Variants in KIAA1217 observed in about 807,000 individuals in gnomAD.
The protein encoded by KIAA1217 is sickle tail protein homolog.
Under a neutral mutation model 163.9 loss-of-function variants are expected in KIAA1217, and 88 were observed. The ratio of observed to expected loss-of-function variants is 0.54; its 90% CI spans 0.45 to 0.64. The LOEUF (loss-of-function observed/expected upper bound fraction) is 0.64, where lower values mean the gene tolerates loss of function less well. KIAA1217 is among the 30% of genes least tolerant of loss of function. The pLI, the probability that KIAA1217 is intolerant of heterozygous loss-of-function variation, is 0.00. For missense variants in KIAA1217, 2,372 were observed against 2,475.0 expected (o/e 0.96, Z 0.88); for synonymous variants, 903 against 923.1 (o/e 0.98, Z 0.39).
intron 1 of KIAA1217, among the ~76,000 whole-genome samples, chr10:23,801,525 TGA>T (rs2130957714): frequency 6.6e-6 from 1 of 152,326 alleles, no homozygotes; most frequent in South Asian, 2.1e-4. Flanking sequence ...CCTGATCGTC[TGA>T]TAGTCTGACT....
At chr10:24,094,304 C>T (rs949369482) in intron 2 of KIAA1217, among the ~76,000 whole-genome samples, 4 of 152,206 alleles carry the variant, frequency 2.6e-5, no homozygotes, top group Non-Finnish European at 5.9e-5. Context: ...ACATCCTCTC[C>T]AGCACCTGTT....
chr10:23,703,878 T>C (rs921050818), intron 1 of KIAA1217, among the ~76,000 whole-genome samples: 4 of 151,808 alleles, frequency 2.6e-5, no homozygotes, highest in Non-Finnish European at 5.9e-5. Flanking sequence ...TTTTTTATTT[T>C]TTAAAAAGTC....
intron 10 of KIAA1217, 53 bp downstream of exon 10, chr10:24,513,487 T>C: frequency 6.4e-7 from 1 of 1,567,240 alleles, no homozygotes; most frequent in Non-Finnish European, 8.7e-7. Context: ...AGGAAAATTA[T>C]CATTACTAAG....
Position 24,501,445 on chromosome 10 carries a change from C to T in KIAA1217, c.1901C>T (p.Pro634Leu), listed in dbSNP as rs1389897892. The part of the protein sequence containing the change: ...ALESTVPPSQ[P>L]PPVGTSAIHM... ...GAGTCCACGGTGCCTCCCAGCCAGCCTCCACCTGTGGGCACCTCAGCCATC... is the reference window on the plus strand; with the variant it reads ...GAGTCCACGGTGCCTCCCAGCCAGCTTCCACCTGTGGGCACCTCAGCCATC... The change falls in exon 9 of 21, where the codon CCT (proline) becomes CTT (leucine). Residue 634 changes from proline (P) to leucine (L), a missense_variant. Coordinates refer to ENST00000376454, the MANE Select transcript of KIAA1217 (RefSeq NM_019590.5). 1 of 1,613,970 alleles carries T rather than the reference C, an allele frequency of 6.2e-7. No individual in the cohort carries two copies. Among genetic ancestry groups the T allele is most frequent in the Non-Finnish European group, 8.5e-7 (1 of 1,179,998 alleles).
chr10:23,700,343 G>C (rs1225273514), intron 1 of KIAA1217, among the ~76,000 whole-genome samples: 1 of 151,980 alleles, frequency 6.6e-6, no homozygotes, highest in Non-Finnish European at 1.5e-5. Flanking sequence ...TCATATCCCT[G>C]AATTATTGCA....
intron 1 of KIAA1217, among the ~76,000 whole-genome samples, chr10:23,831,221 C>T (rs951094050): frequency 3.3e-5 from 5 of 151,358 alleles, no homozygotes; most frequent in African/African-American, 1.2e-4. Flanking sequence ...GATATGAACC[C>T]CAAAGTGTAG....
At chr10:23,908,507 A>G (rs1256037207) in intron 1 of KIAA1217, among the ~76,000 whole-genome samples, 1 of 152,094 alleles carries the variant, frequency 6.6e-6, no homozygotes, top group Non-Finnish European at 1.5e-5. Context: ...GCCCAGATAC[A>G]ACCCTCAACT....
At chr10:24,083,399 A>G (rs2061599408) in intron 2 of KIAA1217, among the ~76,000 whole-genome samples, 1 of 152,222 alleles carries the variant, frequency 6.6e-6, no homozygotes, top group Non-Finnish European at 1.5e-5. Flanking sequence ...AATAGCCTCC[A>G]GAAATTTATT....
chr10:24,061,069 CTT>C (rs1459265340), intron 2 of KIAA1217, among the ~76,000 whole-genome samples: 4 of 152,070 alleles, frequency 2.6e-5, no homozygotes, highest in Non-Finnish European at 5.9e-5. Flanking sequence ...ATTTGTCCCT[CTT>C]TTCCTCTCTT....
At chr10:24,297,716 A>G (rs2040787753) in intron 2 of KIAA1217, among the ~76,000 whole-genome samples, 1 of 152,162 alleles carries the variant, frequency 6.6e-6, no homozygotes, top group South Asian at 2.1e-4. Context: ...AGATCATGCC[A>G]CTGCATTCCA....
At chr10:24,322,303 T>C (rs2133325905) in intron 2 of KIAA1217, among the ~76,000 whole-genome samples, 1 of 152,280 alleles carries the variant, frequency 6.6e-6, no homozygotes, top group South Asian at 2.1e-4. Context: ...GGCTCCACCA[T>C]AGAAATTCAG....
chr10:24,153,631 G>A (rs2064729203), intron 2 of KIAA1217, among the ~76,000 whole-genome samples: 1 of 152,108 alleles, frequency 6.6e-6, no homozygotes, highest in Non-Finnish European at 1.5e-5. Flanking sequence ...CCTGTATATT[G>A]TTCTCAAACT....
At chr10:24,492,171 GC>G (rs1436226935) in intron 6 of KIAA1217, among the ~76,000 whole-genome samples, 2 of 152,108 alleles carry the variant, frequency 1.3e-5, no homozygotes, top group Non-Finnish European at 2.9e-5. Flanking sequence ...GCAAGTCTGT[GC>G]CCCCCATGTG....
chr10:23,957,129 T>C (rs116847269), intron 1 of KIAA1217, among the ~76,000 whole-genome samples: 2,947 of 152,264 alleles, frequency 0.019, 58 homozygotes, highest in Admixed American at 0.063. Flanking sequence ...CATTGAGAAC[T>C]CTTCAGTGAT....
At chr10:23,731,321 C>T (rs1275383848) in intron 1 of KIAA1217, among the ~76,000 whole-genome samples, 1 of 152,150 alleles carries the variant, frequency 6.6e-6, no homozygotes, top group Non-Finnish European at 1.5e-5. Context: ...GAGCTTTATG[C>T]CCATTCCTGG....
chr10:24,075,738 G>A (rs570705058), intron 2 of KIAA1217, among the ~76,000 whole-genome samples: 8 of 151,746 alleles, frequency 5.3e-5, no homozygotes, highest in Non-Finnish European at 1.0e-4. Flanking sequence ...CAAGTAGCTG[G>A]GATTACAGGC....
At chr10:23,910,562 C>T (rs998621439) in intron 1 of KIAA1217, among the ~76,000 whole-genome samples, 1 of 152,240 alleles carries the variant, frequency 6.6e-6, no homozygotes, top group South Asian at 2.1e-4. Flanking sequence ...CCCTTAAGAA[C>T]AGGACTCTCA....
At chr10:24,305,760 G>T (rs2041937921) in intron 2 of KIAA1217, among the ~76,000 whole-genome samples, 3 of 152,110 alleles carry the variant, frequency 2.0e-5, no homozygotes, top group Admixed American at 6.5e-5. Context: ...AGGTTGAATG[G>T]GACCATAGTT....
chr10:24,211,541 T>C (rs2068093612), intron 1 of KIAA1217, among the ~76,000 whole-genome samples: 1 of 97,294 alleles, frequency 1.0e-5, no homozygotes, highest in Non-Finnish European at 2.2e-5. Context: ...GGTTGTATTG[T>C]ATTGTATTGT....
Sources: gnomAD v4.1 joint callset for allele counts (sites outside exome capture counted in the v4.1 genomes callset) on GRCh38, gnomAD v4.1.1 for gene constraint, MANE v1.5 for transcripts, NCBI Gene and HGNC (gene_info 2026-07-23, HGNC 2026-07-21) for gene names.